MYBL1: variants seen among roughly 807,000 people sequenced by gnomAD.
MYBL1 encodes MYB proto-oncogene like 1, also known as myb-related protein A.
A neutral mutation model predicts 96.3 loss-of-function variants in MYBL1; 17 were observed. The observed-to-expected ratio is 0.18, with a 90% CI of 0.12 to 0.26. The LOEUF is 0.26. MYBL1 is among the 10% of genes least tolerant of loss of function. MYBL1 has a pLI of 1.00. For missense variants in MYBL1, 701 were observed against 882.9 expected (o/e 0.79, Z 2.61); for synonymous variants, 282 against 292.7 (o/e 0.96, Z 0.37).
At chr8:66,600,188 C>G (rs1017337472) in intron 3 of MYBL1, among the ~76,000 whole-genome samples, 1 of 152,142 alleles carries the variant, frequency 6.6e-6, no homozygotes, top group Admixed American at 6.5e-5. Flanking sequence ...CCTGGTAACT[C>G]CTATACATTA....
At chr8:66,599,656 C>T (rs1205485020) in intron 3 of MYBL1, among the ~76,000 whole-genome samples, 1 of 151,992 alleles carries the variant, frequency 6.6e-6, no homozygotes, top group Non-Finnish European at 1.5e-5. Context: ...CAAAATTAGC[C>T]GGATGTGGTG....
chr8:66,585,690 C>T lies in MYBL1; in HGVS notation c.868-5324G>A, dbSNP rs373002316. Among the ~76,000 whole-genome samples the T allele has an allele frequency of 3.3e-5, 5 of 152,186 alleles. No individual in the cohort carries two copies. In the East Asian group the frequency reaches 5.8e-4, roughly 18 times the overall value. ...GGCGGAGGTTGCAGTGAACCGAGAT[C>T]GCGCCACTGCCACTGCACTCCAGCC... is the stretch of plus-strand genomic sequence containing the variant. On this transcript the variant is annotated intron_variant, in intron 8 of 15. Transcript: ENST00000522677.
chr8:66,595,589 A>G lies in MYBL1; in HGVS notation c.681T>C (p.Pro227=). 6.4e-7 allele frequency: 1 copy of G among 1,551,876 alleles called. No individual in the cohort carries two copies. The highest frequency in any genetic ancestry group is 8.7e-7 in the Non-Finnish European group (1 of 1,151,584). Residue 227 remains proline (P), a synonymous_variant, in exon 6 of 16, where the codon CCT becomes CCC. Coordinates refer to ENST00000522677, the MANE Select transcript of MYBL1 (RefSeq NM_001080416.4). ...HMQTQNQFYI[P]VQIPGYQYVS... ...AGGTATTAAAAGTATGTGCCTGAAC[A>G]GGTATGTAAAACTGATTCTGGGTTT... is the stretch of plus-strand genomic sequence containing the variant.
At chr8:66,592,003 C>T (rs1809664851) in intron 8 of MYBL1, among the ~76,000 whole-genome samples, 1 of 152,096 alleles carries the variant, frequency 6.6e-6, no homozygotes, top group Non-Finnish European at 1.5e-5. Flanking sequence ...CAGAGGCTCA[C>T]ACCTATAATC....
intron 1 of MYBL1, among the ~76,000 whole-genome samples, chr8:66,610,700 A>G (rs1448122366): frequency 1.3e-5 from 2 of 152,134 alleles, no homozygotes; most frequent in Non-Finnish European, 2.9e-5. Context: ...TTTTTGTTGA[A>G]GCACAAAAGC....
At position 66,562,740 on chromosome 8, in the gene MYBL1, A is replaced by T. The variant is rs1258201201; in HGVS notation, c.*1957T>A. ...TAGTTCAAGGTAACTGAAATGATCC[A>T]GTATGAGTTTGCTACAATCATTGGT... On this transcript the variant is annotated 3_prime_UTR_variant, in exon 16 of 16. Coordinates refer to ENST00000522677, the MANE Select transcript of MYBL1 (RefSeq NM_001080416.4). The T allele has an allele frequency of 6.6e-6, 1 of 152,534 alleles. No homozygotes were observed. 9.4% of individuals were successfully genotyped at this position (152,534 alleles called of 1,614,324 possible).
intron 8 of MYBL1, among the ~76,000 whole-genome samples, chr8:66,582,013 T>C (rs558168313): frequency 6.6e-6 from 1 of 151,916 alleles, no homozygotes; most frequent in Non-Finnish European, 1.5e-5. Flanking sequence ...TATGTAAAAG[T>C]ATAAAATTCA....
intron 9 of MYBL1, among the ~76,000 whole-genome samples, chr8:66,578,170 A>G (rs1392205086): frequency 7.3e-4 from 111 of 152,104 alleles, no homozygotes; most frequent in Non-Finnish European, 1.1e-3. Flanking sequence ...ATAGGCATGG[A>G]CAAGGACTTC....
intron 8 of MYBL1, among the ~76,000 whole-genome samples, chr8:66,590,478 C>T (rs368072694): frequency 4.6e-4 from 70 of 151,534 alleles, no homozygotes; most frequent in African/African-American, 9.4e-4. Flanking sequence ...AAAAATTAGC[C>T]GGGCATGTTG....
chr8:66,585,777 G>A (rs1443288168), intron 8 of MYBL1, among the ~76,000 whole-genome samples: 1 of 152,044 alleles, frequency 6.6e-6, no homozygotes, highest in Non-Finnish European at 1.5e-5. Flanking sequence ...AAATGTTTTA[G>A]GACATTGTTT....
intron 8 of MYBL1, among the ~76,000 whole-genome samples, chr8:66,582,887 T>TA (rs1430587429): frequency 6.6e-6 from 1 of 152,030 alleles, no homozygotes; most frequent in African/African-American, 2.4e-5. Flanking sequence ...TAGATTCCAA[T>TA]AAAAAATAGT....
At chr8:66,579,207 G>A (rs1249378340) in intron 9 of MYBL1, among the ~76,000 whole-genome samples, 2 of 151,358 alleles carry the variant, frequency 1.3e-5, no homozygotes, top group East Asian at 3.9e-4. Flanking sequence ...TTGTGCACAT[G>A]TACCCTAAAA....
intron 9 of MYBL1, among the ~76,000 whole-genome samples, chr8:66,577,934 C>T (rs1809034015): frequency 6.6e-6 from 1 of 152,100 alleles, no homozygotes; most frequent in African/African-American, 2.4e-5. Context: ...GCGTTATCTA[C>T]AACTATCTGA....
chr8:66,571,123 G>C (rs1808711765), intron 12 of MYBL1, among the ~76,000 whole-genome samples: 1 of 152,100 alleles, frequency 6.6e-6, no homozygotes, highest in African/African-American at 2.4e-5. Flanking sequence ...AAAAACCCTG[G>C]AAGTTACCAA....
At chr8:66,585,973 C>A (rs1178921232) in intron 8 of MYBL1, among the ~76,000 whole-genome samples, 1 of 149,560 alleles carries the variant, frequency 6.7e-6, no homozygotes, top group Non-Finnish European at 1.5e-5. Context: ...GGATTAATAT[C>A]TAGACTAGAC....
At position 66,595,594 on chromosome 8, in the gene MYBL1, T is replaced by C. The variant is rs1346323337; in HGVS notation, c.676A>G (p.Ile226Val). ...TTAAAAGTATGTGCCTGAACAGGTA[T>C]GTAAAACTGATTCTGGGTTTGCATA... ...DHMQTQNQFY[I>V]PVQIPGYQYV... The change falls in exon 6 of 16, where the codon ATA becomes GTA. Residue 226 changes from isoleucine (I) to valine (V), a missense_variant. Transcript: ENST00000522677. The C allele has an allele frequency of 4.5e-6, 7 of 1,570,596 alleles. No individual in the cohort carries two copies. The highest frequency in any genetic ancestry group is 1.7e-4 in the Middle Eastern group (1 of 5,950).
intron 1 of MYBL1, among the ~76,000 whole-genome samples, chr8:66,604,841 A>T (rs1810248113): frequency 6.6e-6 from 1 of 152,248 alleles, no homozygotes; most frequent in African/African-American, 2.4e-5. Flanking sequence ...TGGCTTTGAA[A>T]ACATAAGTAG....
chr8:66,601,730 C>A lies in MYBL1; in HGVS notation c.166G>T (p.Asp56Tyr). Reference sequence around the variant, plus strand: ...TGACTAGCAATTAGAGTCCAATCATCAGTTCCATGTTGTTCAACCAACTTC... The same window carrying A: ...TGACTAGCAATTAGAGTCCAATCATAAGTTCCATGTTGTTCAACCAACTTC... ...LKKLVEQHGT[D>Y]DWTLIASHLQ... Residue 56 changes from aspartate to tyrosine, a missense_variant, in exon 3 of 16, where the codon GAT becomes TAT. Coordinates refer to ENST00000522677, the MANE Select transcript of MYBL1 (RefSeq NM_001080416.4). The A allele has an allele frequency of 6.5e-7, 1 of 1,528,402 alleles. No individual in the cohort carries two copies. 94.7% of individuals were successfully genotyped at this position (1,528,402 alleles called of 1,614,324 possible).
At position 66,580,207 on chromosome 8, in the gene MYBL1, C is replaced by A; in HGVS notation, c.1027G>T (p.Val343Leu). ...GAGGATAACACAGCGTTTGCCTCCA[C>A]GGCCAGGAACTTTGTGGGTGAATTC... ...QQNSPTKFLA[V>L]EANAVLSSLQ... is the part of the protein sequence containing the mutation. The change falls in exon 9 of 16, where the codon GTG (valine) becomes TTG (leucine). Residue 343 changes from valine (V) to leucine (L), a missense_variant. Val to Leu is a conservative substitution (Grantham distance 32). Coordinates refer to ENST00000522677, the MANE Select transcript of MYBL1 (RefSeq NM_001080416.4). 6.2e-7 allele frequency: 1 copy of A among 1,613,950 alleles called. No individual in the cohort carries two copies. Among genetic ancestry groups the A allele is most frequent in the Non-Finnish European group, 8.5e-7 (1 of 1,179,862 alleles).
Sources: gnomAD v4.1 joint callset for allele counts (sites outside exome capture counted in the v4.1 genomes callset) on GRCh38, gnomAD v4.1.1 for gene constraint, MANE v1.5 for transcripts, NCBI Gene and HGNC (gene_info 2026-07-23, HGNC 2026-07-21) for gene names.